Variants in MCF2 observed in about 807,000 individuals in gnomAD.
MCF2 encodes the protein proto-oncogene DBL.
A neutral mutation model predicts 82.5 loss-of-function variants in MCF2; 44 were observed. The ratio of observed to expected loss-of-function variants is 0.53; its 90% confidence interval spans 0.42 to 0.69. MCF2 has a LOEUF of 0.69. Among genes scored for constraint, MCF2 ranks in the 30% least tolerant of loss-of-function variants. The pLI, the probability that MCF2 is intolerant of heterozygous loss-of-function variation, is 0.00. For missense variants in MCF2, 623 were observed against 663.1 expected (o/e 0.94, Z 0.66); for synonymous variants, 217 against 224.9 (o/e 0.96, Z 0.32).
At chrX:139,663,832 G>T (rs2148542517) in intron 1 of MCF2, among the ~76,000 whole-genome samples, 1 of 110,071 alleles carries the variant, frequency 9.1e-6, no homozygotes, top group East Asian at 2.8e-4. Context: ...TTGGCTTTAT[G>T]GTCCTGGGTG....
intron 11 of MCF2, among the ~76,000 whole-genome samples, chrX:139,608,438 C>A (rs1931224710): frequency 9.0e-6 from 1 of 111,293 alleles, no homozygotes; most frequent in Non-Finnish European, 1.9e-5. Context: ...ATTTTACAGA[C>A]TCTAAAGGAC....
Position 139,606,987 on chromosome X carries a change from T to C in MCF2, c.1490+704A>G, listed in dbSNP as rs750004495. On this transcript the variant is annotated intron_variant, in intron 12 of 24. Coordinates refer to ENST00000370576, the Ensembl canonical transcript of MCF2. ...TTAAAAAGATGAATATTCTTATGTC[T>C]AGAATATTAATATACCATTATAACA... Among the ~76,000 whole-genome samples, 446 of 111,404 alleles carry C rather than the reference T, an allele frequency of 4.0e-3. 1 individual carries two copies. Among genetic ancestry groups the C allele is most frequent in the African/African-American group, 8.4e-3 (258 of 30,727 alleles).
In MCF2 at chrX:139,598,451, TA is replaced by T; in HGVS notation, c.1883del (p.Leu628TyrfsTer15). 1 of 1,166,098 alleles carries T rather than the reference TA, an allele frequency of 8.6e-7. No individual in the cohort carries two copies. Among genetic ancestry groups the T allele is most frequent in the Non-Finnish European group, 1.1e-6 (1 of 870,463 alleles). ...TAGTGATTCGTTGCACTGGTTTGAG[TA>T]AATAGGAATCCAGTCTAAGTCTGTG... On this transcript the variant is annotated frameshift_variant, in exon 17 of 25. Transcript: ENST00000370576. LOFTEE classifies it high-confidence loss of function.
At chrX:139,687,230 C>G (rs766596733) in intron 1 of MCF2, among the ~76,000 whole-genome samples, 37 of 112,383 alleles carry the variant, frequency 3.3e-4, no homozygotes, top group Middle Eastern at 4.7e-3. Context: ...CTTCCTACCT[C>G]CTTCAGGATT....
rs767700213 is a variant in MCF2, at chrX:139,681,582, G to T, written c.-45+26524C>A. On this transcript the variant is annotated intron_variant, in intron 1 of 27. Transcript: ENST00000414978. ...TTATTTTATGTGTATCAAAATTTTC[G>T]TAATGAAGTAATTTTTAAATACACA... Among the ~76,000 whole-genome samples the T allele has an allele frequency of 4.5e-5, 5 of 111,659 alleles. No homozygotes were observed. In the Admixed American group the frequency reaches 4.8e-4, roughly 11 times the overall value.
At chrX:139,599,590 T>C (rs1182478734) in intron 16 of MCF2, among the ~76,000 whole-genome samples, 1 of 110,882 alleles carries the variant, frequency 9.0e-6, no homozygotes, top group African/African-American at 3.3e-5. Context: ...CCTCTGAAAG[T>C]GGGAGGTAAA....
intron 1 of MCF2, among the ~76,000 whole-genome samples, chrX:139,638,999 C>T (rs1384250646): frequency 9.0e-6 from 1 of 111,542 alleles, no homozygotes; most frequent in African/African-American, 3.3e-5. Flanking sequence ...CATTTTAAAG[C>T]TAGTATTTAA....
intron 1 of MCF2, among the ~76,000 whole-genome samples, chrX:139,691,071 C>T (rs1404850069): frequency 8.9e-6 from 1 of 112,045 alleles, no homozygotes; most frequent in Non-Finnish European, 1.9e-5. Context: ...TGTTACCCCA[C>T]TTACTCCCCT....
At position 139,585,198 on chromosome X, in the gene MCF2, T is replaced by C; in HGVS notation, c.2633-20A>G. Reference sequence around the variant, plus strand: ...TCCAAACTATAAGAAAAGTGTGGAATGTGGCAGTTACTTCATGGTGCTAAT... The same window carrying C: ...TCCAAACTATAAGAAAAGTGTGGAACGTGGCAGTTACTTCATGGTGCTAAT... On this transcript the variant is annotated intron_variant, in intron 23 of 24. Transcript: ENST00000370576. 1 of 997,511 alleles carries C rather than the reference T, an allele frequency of 1.0e-6. No homozygotes were observed. Among genetic ancestry groups the C allele is most frequent in the Admixed American group, 2.4e-5 (1 of 42,353 alleles). The allele number at this position is 997,511 out of a possible 1,213,427, so 82.2% of individuals were successfully genotyped here.
intron 19 of MCF2, among the ~76,000 whole-genome samples, chrX:139,595,288 T>C (rs1305458317): frequency 9.1e-6 from 1 of 110,056 alleles, no homozygotes; most frequent in Admixed American, 9.7e-5. Context: ...ATGTATTTAT[T>C]GCAGCACTAT....
At chrX:139,631,978 C>T (rs1747520403) in intron 2 of MCF2, among the ~76,000 whole-genome samples, 2 of 110,984 alleles carry the variant, frequency 1.8e-5, no homozygotes, top group Non-Finnish European at 1.9e-5. Flanking sequence ...TGTAAGTTCA[C>T]GGGAGTTCAA....
chrX:139,680,583 T>C (rs1021389488), intron 1 of MCF2, among the ~76,000 whole-genome samples: 2 of 112,217 alleles, frequency 1.8e-5, no homozygotes, highest in Non-Finnish European at 3.8e-5. Flanking sequence ...CAGCCACCAC[T>C]AAATATTTCC....
upstream of MCF2, among the ~76,000 whole-genome samples, chrX:139,644,479 G>T (rs1377772710): frequency 8.9e-6 from 1 of 112,228 alleles, no homozygotes; most frequent in East Asian, 2.8e-4. Flanking sequence ...TTAGTAATTT[G>T]AGTATATCTA....
intron 1 of MCF2, among the ~76,000 whole-genome samples, chrX:139,673,220 G>C (rs1032663225): frequency 9.0e-6 from 1 of 111,089 alleles, no homozygotes; most frequent in African/African-American, 3.3e-5. Flanking sequence ...TTCTTTATTA[G>C]TCTTGCTAGC....
intron 10 of MCF2, among the ~76,000 whole-genome samples, chrX:139,612,110 G>A (rs1407782490): frequency 9.1e-6 from 1 of 110,027 alleles, no homozygotes; most frequent in East Asian, 2.9e-4. Flanking sequence ...GAATGGATTC[G>A]AGAGAGATAC....
intron 1 of MCF2, among the ~76,000 whole-genome samples, chrX:139,700,752 G>C (rs994231895): frequency 3.6e-5 from 4 of 112,315 alleles, no homozygotes; most frequent in African/African-American, 1.3e-4. Flanking sequence ...AGTCTGTGTA[G>C]TTTGAAATGG....
intron 1 of MCF2, among the ~76,000 whole-genome samples, chrX:139,639,884 G>A (rs1933460169): frequency 9.0e-6 from 1 of 111,420 alleles, no homozygotes; most frequent in South Asian, 3.8e-4. Context: ...GTAAAGAAAG[G>A]CAGTAACAAT....
At chrX:139,584,323 C>T (rs902979138) in intron 24 of MCF2, among the ~76,000 whole-genome samples, 16 of 109,586 alleles carry the variant, frequency 1.5e-4, no homozygotes, top group Admixed American at 1.1e-3. Flanking sequence ...TTAGTAGAGA[C>T]GAGGTTTACC....
chrX:139,640,561 A>G (rs759991828), intron 1 of MCF2, among the ~76,000 whole-genome samples: 1 of 111,265 alleles, frequency 9.0e-6, no homozygotes, highest in Non-Finnish European at 1.9e-5. Context: ...AGTCATTGAA[A>G]TTTCTACCAA....
Sources: gnomAD v4.1 joint callset for allele counts (sites outside exome capture counted in the v4.1 genomes callset) on GRCh38, gnomAD v4.1.1 for gene constraint, MANE v1.5 for transcripts, NCBI Gene and HGNC (gene_info 2026-07-23, HGNC 2026-07-21) for gene names.